Variants in OTOGL observed in about 807,000 individuals in gnomAD.
The protein encoded by OTOGL is otogelin like.
OTOGL carries 285 observed loss-of-function variants against 318.5 expected under a neutral mutation model. The ratio of observed to expected loss-of-function variants is 0.89; its 90% confidence interval spans 0.81 to 0.99. The LOEUF is 0.99. OTOGL is among the 50% of genes least tolerant of loss of function. The pLI is 0.00. For missense variants in OTOGL, 2,899 were observed against 2,845.6 expected (o/e 1.02, Z -0.43); for synonymous variants, 987 against 936.5 (o/e 1.05, Z -0.99).
At chr12:80,340,832 G>T (rs1439864970) in intron 43 of OTOGL, among the ~76,000 whole-genome samples, 1 of 152,014 alleles carries the variant, frequency 6.6e-6, no homozygotes, top group Non-Finnish European at 1.5e-5. Context: ...GTCTGGAGTG[G>T]TGACTGAAGT....
chr12:80,146,200 T>C (rs536330644), intron 1 of OTOGL, among the ~76,000 whole-genome samples: 1 of 147,734 alleles, frequency 6.8e-6, no homozygotes, highest in South Asian at 2.1e-4. Flanking sequence ...GGGTTTGTCA[T>C]AGATAGCTCT....
intron 33 of OTOGL, among the ~76,000 whole-genome samples, chr12:80,319,707 T>C (rs1410397933): frequency 6.6e-6 from 1 of 152,186 alleles, no homozygotes; most frequent in African/African-American, 2.4e-5. Context: ...ATCCAAATAA[T>C]GTTTATTGAA....
At chr12:80,267,970 C>CA (rs113225621) in intron 22 of OTOGL, among the ~76,000 whole-genome samples, 12 of 143,624 alleles carry the variant, frequency 8.4e-5, no homozygotes, top group South Asian at 2.2e-4. Context: ...TGAATAGGCT[C>CA]AAAAAAAAAA....
At chr12:80,322,559 T>C (rs971633373) in intron 34 of OTOGL, among the ~76,000 whole-genome samples, 1 of 152,232 alleles carries the variant, frequency 6.6e-6, no homozygotes, top group Non-Finnish European at 1.5e-5. Context: ...TTTTCCTTGC[T>C]GTAATTTGGA....
intron 1 of OTOGL, among the ~76,000 whole-genome samples, chr12:80,200,081 C>T (rs1177067720): frequency 6.6e-6 from 1 of 152,160 alleles, no homozygotes; most frequent in East Asian, 1.9e-4. Flanking sequence ...ACAATATTTA[C>T]TAAGCATTAA....
At chr12:80,326,480 T>A (rs1347521256) in intron 35 of OTOGL, among the ~76,000 whole-genome samples, 1 of 152,136 alleles carries the variant, frequency 6.6e-6, no homozygotes, top group Non-Finnish European at 1.5e-5. Flanking sequence ...GGTTAATAGT[T>A]TTTTAAAAAG....
At chr12:80,166,619 T>G (rs12828629) in intron 1 of OTOGL, among the ~76,000 whole-genome samples, 2,658 of 152,318 alleles carry the variant, frequency 0.017, 68 homozygotes, top group African/African-American at 0.057. Context: ...GCTCAGAGAT[T>G]TACTCTGCTC....
intron 1 of OTOGL, among the ~76,000 whole-genome samples, chr12:80,187,084 T>C (rs1054984725): frequency 2.0e-5 from 3 of 152,184 alleles, no homozygotes; most frequent in African/African-American, 2.4e-5. Context: ...AACTCAGAGC[T>C]GGGGCAAAGC....
chr12:80,204,707 T>C (rs1171611058), intron 1 of OTOGL, among the ~76,000 whole-genome samples: 2 of 152,064 alleles, frequency 1.3e-5, no homozygotes, highest in Non-Finnish European at 2.9e-5. Context: ...TAGTCAACCA[T>C]GTAAATGGTT....
At chr12:80,286,993 A>AACTTGCT (rs1565955654) in intron 26 of OTOGL, among the ~76,000 whole-genome samples, 1 of 151,970 alleles carries the variant, frequency 6.6e-6, no homozygotes, top group African/African-American at 2.4e-5. Flanking sequence ...TCAATTGTAG[A>AACTTGCT]TCATTCCCGC....
intron 37 of OTOGL, among the ~76,000 whole-genome samples, chr12:80,329,358 T>G (rs1475369868): frequency 1.3e-5 from 2 of 152,212 alleles, no homozygotes; most frequent in Non-Finnish European, 2.9e-5. Context: ...ATTACAGGCA[T>G]GAGCCACACT....
intron 55 of OTOGL, among the ~76,000 whole-genome samples, chr12:80,370,194 G>A (rs1043643345): frequency 6.6e-6 from 1 of 151,940 alleles, no homozygotes. Context: ...TATAATTAGT[G>A]AGGAAATATT....
chr12:80,268,571 C>T (rs1187284838), intron 22 of OTOGL, among the ~76,000 whole-genome samples: 1 of 152,164 alleles, frequency 6.6e-6, no homozygotes, highest in East Asian at 1.9e-4. Flanking sequence ...TGGCAACTAG[C>T]TCTTGGATCT....
At position 80,267,239 on chromosome 12, in the gene OTOGL, T is replaced by C. The variant is rs1883049361; in HGVS notation, c.2391-14T>C. 4 of 1,490,386 alleles carry C rather than the reference T, an allele frequency of 2.7e-6. No individual in the cohort carries two copies. The highest frequency in any genetic ancestry group is 1.7e-4 in the Middle Eastern group (1 of 5,790). The allele number at this position is 1,490,386 out of a possible 1,614,324, so 92.3% of individuals were successfully genotyped here. A position where few individuals can be genotyped will look rare whatever the true frequency, so the allele number is the denominator to read the frequency against. ...AAAATTGTATCCTATTTACTTTACT[T>C]TTTCTTCGTATAGATTCCACTGCCG... On this transcript the variant is annotated splice_polypyrimidine_tract_variant and intron_variant, in intron 21 of 58. Coordinates refer to ENST00000547103, the MANE Select transcript of OTOGL (RefSeq NM_001378609.3).
At chr12:80,108,787 GTATATATATATA>G (rs1189455568) in intron 1 of OTOGL, among the ~76,000 whole-genome samples, 1 of 106,222 alleles carries the variant, frequency 9.4e-6, no homozygotes, top group East Asian at 2.5e-4. Flanking sequence ...ATATATATAT[GTATATATATATA>G]TGTATATATA....
chr12:80,226,224 T>C (rs1257772492), intron 7 of OTOGL, among the ~76,000 whole-genome samples: 2 of 89,904 alleles, frequency 2.2e-5, no homozygotes, highest in South Asian at 3.9e-4. Context: ...ACACACACAC[T>C]TCCCTTCACT....
intron 52 of OTOGL, among the ~76,000 whole-genome samples, chr12:80,359,306 T>C (rs997894657): frequency 2.0e-5 from 3 of 152,306 alleles, no homozygotes; most frequent in East Asian, 1.9e-4. Context: ...TTAAGCGTTA[T>C]CTGCGAACAT....
At chr12:80,154,821 A>T (rs1372273970) in intron 1 of OTOGL, among the ~76,000 whole-genome samples, 1 of 152,210 alleles carries the variant, frequency 6.6e-6, no homozygotes, top group Non-Finnish European at 1.5e-5. Context: ...GCTGGATCAT[A>T]TAGTAAGAAT....
chr12:80,377,236 C>A, intron 58 of OTOGL, 34 bp downstream of exon 58: 1 of 1,493,180 alleles, frequency 6.7e-7, no homozygotes, highest in Non-Finnish European at 9.2e-7. Flanking sequence ...TACATAAATG[C>A]ACACATCTTT....
Sources: allele counts gnomAD v4.1 joint callset (sites outside exome capture counted in the v4.1 genomes callset), GRCh38; gene constraint gnomAD v4.1.1; transcripts MANE v1.5; gene names NCBI Gene and HGNC (gene_info 2026-07-23, HGNC 2026-07-21).